Variants in CNNM4 observed in about 807,000 individuals in gnomAD.
CNNM4 encodes cyclin and CBS domain divalent metal cation transport mediator 4.
CNNM4 carries 32 observed loss-of-function variants against 53.7 expected under a neutral mutation model. That is an observed-to-expected ratio of 0.60 (90% CI 0.45 to 0.80). The LOEUF is 0.80. Ranked by LOEUF, CNNM4 falls within the 30% of genes least tolerant of loss-of-function variation. The pLI, the probability that CNNM4 is intolerant of heterozygous loss-of-function variation, is 0.00. For synonymous variants in CNNM4, 410 were observed against 440.0 expected (o/e 0.93, Z 0.85); for missense variants, 784 against 1,022.0 (o/e 0.77, Z 3.17).
chr2:96,763,118 C>G (rs978166704), intron 1 of CNNM4, among the ~76,000 whole-genome samples: 1 of 152,102 alleles, frequency 6.6e-6, no homozygotes. Flanking sequence ...GTAGCGCTTT[C>G]GACTATTCAG....
intron 5 of CNNM4, among the ~76,000 whole-genome samples, chr2:96,806,836 T>A (rs2153351370): frequency 6.6e-6 from 1 of 152,268 alleles, no homozygotes; most frequent in Non-Finnish European, 1.5e-5. Flanking sequence ...AGCCCATTCT[T>A]CCTTATTCAA....
In CNNM4 at chr2:96,761,019, G is replaced by A; in HGVS notation, c.20G>A (p.Gly7Asp). 1 of 1,186,152 alleles carries A rather than the reference G, an allele frequency of 8.4e-7. No individual in the cohort carries two copies. The highest frequency in any genetic ancestry group is 1.0e-6 in the Non-Finnish European group (1 of 957,714). The allele number at this position is 1,186,152 out of a possible 1,614,324, so 73.5% of individuals were successfully genotyped here. Residue 7 changes from glycine to aspartate, a missense_variant, in exon 1 of 7, where the codon GGC (glycine) becomes GAC (aspartate). This residue lies in a region of CNNM4 where 473 missense variants were observed against 624.6 expected (regional missense o/e 0.76). Coordinates refer to ENST00000377075, the MANE Select transcript of CNNM4 (RefSeq NM_020184.4). The surrounding 1 kb of genome is among the most constrained non-coding windows in gnomAD (Gnocchi z 6.0). ...AGCAACATGGCGCCGGTGGGCGGGG[G>A]CGGGCGCCCGGTCGGCGGACCGGCC... The part of the protein sequence containing the change: MAPVGG[G>D]GRPVGGPARG...
chr2:96,799,371 G>A (rs996753668), intron 4 of CNNM4, 145 bp downstream of exon 4: 13 of 1,253,184 alleles, frequency 1.0e-5, no homozygotes, highest in African/African-American at 5.9e-5. Context: ...CCTGCCCCAC[G>A]TGGCCATCCT....
chr2:96,806,680 C>T (rs961132630), intron 5 of CNNM4, among the ~76,000 whole-genome samples: 4 of 152,116 alleles, frequency 2.6e-5, no homozygotes, highest in Non-Finnish European at 4.4e-5. Flanking sequence ...CAGCTTAGTC[C>T]GCTTCCTGTT....
Position 96,801,475 on chromosome 2 carries a change from G to A in CNNM4, c.1948+1827G>A, listed in dbSNP as rs1233479423. 6.6e-6 allele frequency among the ~76,000 whole-genome samples: 1 copy of A among 151,346 alleles called. No homozygotes were observed. Among genetic ancestry groups the A allele is most frequent in the Admixed American group, 6.6e-5 (1 of 15,200 alleles). ...TGCAGAGAGACCGCACACACAGAGAGAGACCACACACACACAGAGACCACA... is the reference window on the plus strand; with the variant it reads ...TGCAGAGAGACCGCACACACAGAGAAAGACCACACACACACAGAGACCACA... On this transcript the variant is annotated intron_variant, in intron 5 of 6. Coordinates refer to ENST00000377075, the MANE Select transcript of CNNM4 (RefSeq NM_020184.4). This position sits in a 1 kb window ranked among gnomAD's most constrained non-coding sequence, Gnocchi z 5.6.
At chr2:96,778,478 A>G (rs2153346223) in intron 1 of CNNM4, among the ~76,000 whole-genome samples, 1 of 148,570 alleles carries the variant, frequency 6.7e-6, no homozygotes, top group Middle Eastern at 3.5e-3. Flanking sequence ...AATTGCTTGA[A>G]CCCGGGAGGT....
intron 1 of CNNM4, among the ~76,000 whole-genome samples, chr2:96,790,429 A>G (rs1030766018): frequency 4.0e-5 from 6 of 151,786 alleles, no homozygotes; most frequent in African/African-American, 1.4e-4. Flanking sequence ...ATCTCGGCGC[A>G]CTGCAACCTC....
rs1270947306 is a variant in CNNM4 at position 96,761,554 on chromosome 2, C to A, written c.555C>A (p.His185Gln). The change falls in exon 1 of 7, where the codon CAC (histidine) becomes CAA (glutamine). Residue 185 changes from histidine to glutamine, a missense_variant. Physicochemically the swap from His to Gln is conservative, Grantham distance 24. This residue lies in a region of CNNM4 where 473 missense variants were observed against 624.6 expected (regional missense o/e 0.76). Transcript: ENST00000377075. The surrounding 1 kb of genome is among the most constrained non-coding windows in gnomAD (Gnocchi z 6.0). ...EPGRFLPLWL[H>Q]ILLITVLLVL... ...GGAGGTTCCTGCCTCTCTGGCTGCA[C>A]ATTCTCCTAATTACGGTGCTGCTGG... 1 of 1,614,154 alleles carries A rather than the reference C, an allele frequency of 6.2e-7. No homozygotes were observed. The highest frequency in any genetic ancestry group is 2.2e-5 in the East Asian group (1 of 44,878).
chr2:96,790,418 G>A (rs949816562), intron 1 of CNNM4, among the ~76,000 whole-genome samples: 1 of 151,636 alleles, frequency 6.6e-6, no homozygotes, highest in Non-Finnish European at 1.5e-5. Context: ...GCAATGGCAC[G>A]ATCTCGGCGC....
intron 5 of CNNM4, among the ~76,000 whole-genome samples, chr2:96,807,713 T>A (rs2079222345): frequency 6.6e-6 from 1 of 151,790 alleles, no homozygotes; most frequent in Admixed American, 6.6e-5. Flanking sequence ...CCAGCCTGGG[T>A]GACAGAGTAA....
chr2:96,772,710 C>T (rs1302341551), intron 1 of CNNM4, among the ~76,000 whole-genome samples: 1 of 104,006 alleles, frequency 9.6e-6, no homozygotes, highest in African/African-American at 3.9e-5. Context: ...CACAGGCAGG[C>T]GCTCACACAC....
At chr2:96,782,780 G>A (rs942407329) in intron 1 of CNNM4, among the ~76,000 whole-genome samples, 6 of 152,186 alleles carry the variant, frequency 3.9e-5, no homozygotes, top group Non-Finnish European at 5.9e-5. Context: ...TTTCTTTTGT[G>A]TATGTTGGGG....
chr2:96,809,190 T>A (rs763410640), intron 6 of CNNM4, 130 bp from the exon 7 acceptor site: 43 of 1,537,926 alleles, frequency 2.8e-5, no homozygotes, highest in Non-Finnish European at 3.8e-5. Flanking sequence ...TTGTAAGGGC[T>A]TCCAGAGACG....
At chr2:96,768,324 C>G (rs62156233) in intron 1 of CNNM4, among the ~76,000 whole-genome samples, 22,117 of 152,180 alleles carry the variant, frequency 0.15, 2,553 homozygotes, top group African/African-American at 0.32. Context: ...TTTGAAGCCT[C>G]TGTGTCAGAC....
intron 1 of CNNM4, among the ~76,000 whole-genome samples, chr2:96,774,262 G>T (rs1280927939): frequency 6.6e-6 from 1 of 152,136 alleles, no homozygotes; most frequent in East Asian, 1.9e-4. Context: ...AGGGAGGGAA[G>T]AGGCCACCAG....
chr2:96,769,695 C>T (rs955183208), intron 1 of CNNM4, among the ~76,000 whole-genome samples: 1 of 152,120 alleles, frequency 6.6e-6, no homozygotes, highest in Non-Finnish European at 1.5e-5. Context: ...TCGGGAGCCT[C>T]CTTGGAGGGT....
chr2:96,761,274 C>G lies in CNNM4; in HGVS notation c.275C>G (p.Ser92Cys). Residue 92 changes from serine (S) to cysteine (C), a missense_variant, in exon 1 of 7, where the codon TCC (serine) becomes TGC (cysteine). Physicochemically the swap from Ser to Cys is moderately radical, Grantham distance 112. This residue lies in a region of CNNM4 where 473 missense variants were observed against 624.6 expected (regional missense o/e 0.76). Coordinates refer to ENST00000377075, the MANE Select transcript of CNNM4 (RefSeq NM_020184.4). The surrounding 1 kb of genome is among the most constrained non-coding windows in gnomAD (Gnocchi z 6.0). The part of the protein sequence containing the change: ...SLGNISSNLI[S>C]FTEVDDAETL... ...GGCAACATCTCCAGCAACCTGATCT[C>G]CTTCACCGAGGTGGACGATGCCGAG... The G allele has an allele frequency of 6.2e-7, 1 of 1,613,998 alleles. No individual in the cohort carries two copies. The highest frequency in any genetic ancestry group is 8.5e-7 in the Non-Finnish European group (1 of 1,179,960).
intron 1 of CNNM4, among the ~76,000 whole-genome samples, chr2:96,785,922 C>T (rs1005041672): frequency 1.3e-5 from 2 of 151,856 alleles, no homozygotes; most frequent in African/African-American, 4.8e-5. Flanking sequence ...CCCATCTCTA[C>T]TAAAAATACA....
intron 1 of CNNM4, among the ~76,000 whole-genome samples, chr2:96,784,172 C>CG (rs1307916848): frequency 6.6e-6 from 1 of 151,964 alleles, no homozygotes; most frequent in Non-Finnish European, 1.5e-5. Flanking sequence ...GAGGCTGAGG[C>CG]GGGAGAATCA....
Sources: allele counts gnomAD v4.1 joint callset (sites outside exome capture counted in the v4.1 genomes callset), GRCh38; gene constraint gnomAD v4.1.1; regional missense constraint gnomAD v4.1.1; non-coding constraint Gnocchi (gnomAD v3.1); transcripts MANE v1.5; gene names NCBI Gene and HGNC (gene_info 2026-07-23, HGNC 2026-07-21).